The following MAGI2 variants were observed in gnomAD, a reference collection of about 807,000 sequenced individuals.
MAGI2 encodes the protein membrane-associated guanylate kinase, WW and PDZ domain-containing protein 2.
A neutral mutation model predicts 133.3 loss-of-function variants in MAGI2; 35 were observed. The ratio of observed to expected loss-of-function variants is 0.26; its 90% CI spans 0.20 to 0.35. The LOEUF (loss-of-function observed/expected upper bound fraction) is 0.35. Ranked by LOEUF, MAGI2 falls within the 10% of genes least tolerant of loss-of-function variation. MAGI2 has a pLI of 1.00. For missense variants in MAGI2, 1,636 were observed against 1,863.4 expected, an observed-to-expected ratio of 0.88 and a Z score of 2.25; for synonymous variants, 729 against 710.6, an observed-to-expected ratio of 1.03 and a Z score of -0.41.
chr7:78,161,266 GAAA>G (rs1824947136), intron 15 of MAGI2, among the ~76,000 whole-genome samples: 1 of 152,172 alleles, frequency 6.6e-6, no homozygotes, highest in African/African-American at 2.4e-5. Flanking sequence ...TTTTTGAAAT[GAAA>G]GTTTATCTGT....
intron 18 of MAGI2, among the ~76,000 whole-genome samples, chr7:78,132,412 G>T (rs182848587): frequency 7.2e-5 from 11 of 152,156 alleles, no homozygotes; most frequent in Admixed American, 4.6e-4. Context: ...ATGACTTCCC[G>T]CTGCACTTAA....
In MAGI2 at chr7:78,624,251, C is replaced by T. The variant is rs961908546; in HGVS notation, c.538+2869G>A. Among the ~76,000 whole-genome samples, 24 of 152,176 alleles carry T rather than the reference C, an allele frequency of 1.6e-4. No individual in the cohort carries two copies. In the South Asian group the frequency reaches 3.1e-3, roughly 20 times the overall value. On this transcript the variant is annotated intron_variant, in intron 3 of 21. Transcript: ENST00000354212. ...TCTGACAGATTGAGACATTTTCTCC[C>T]ATTCTGTAGGTTGTCTGTTCACTCT...
At chr7:79,201,299 C>T (rs530433032) in intron 1 of MAGI2, among the ~76,000 whole-genome samples, 1 of 152,104 alleles carries the variant, frequency 6.6e-6, no homozygotes, top group Non-Finnish European at 1.5e-5. Context: ...GTTTTGATTT[C>T]TTCCATTAAC....
chr7:79,079,243 G>A (rs1815818600), intron 1 of MAGI2, among the ~76,000 whole-genome samples: 1 of 152,146 alleles, frequency 6.6e-6, no homozygotes. Context: ...GTGCATCCAA[G>A]TGCTGTCATG....
At chr7:78,823,635 TAAAC>T (rs1240726105) in intron 2 of MAGI2, among the ~76,000 whole-genome samples, 3 of 150,102 alleles carry the variant, frequency 2.0e-5, no homozygotes, top group South Asian at 2.1e-4. Context: ...AGCAGCCAGT[TAAAC>T]AAATCATTTT....
At chr7:78,945,186 C>T (rs745728504) in intron 2 of MAGI2, among the ~76,000 whole-genome samples, 1 of 151,912 alleles carries the variant, frequency 6.6e-6, no homozygotes, top group Non-Finnish European at 1.5e-5. Context: ...TTCAGCCTCC[C>T]AAGTAGCTGG....
At chr7:78,932,297 C>G (rs1448396968) in intron 2 of MAGI2, among the ~76,000 whole-genome samples, 1 of 152,150 alleles carries the variant, frequency 6.6e-6, no homozygotes, top group East Asian at 1.9e-4. Flanking sequence ...GCAGATACCC[C>G]TGCGGGTCAT....
At chr7:78,813,226 T>C (rs551853508) in intron 2 of MAGI2, among the ~76,000 whole-genome samples, 2 of 152,302 alleles carry the variant, frequency 1.3e-5, no homozygotes, top group South Asian at 4.1e-4. Flanking sequence ...ATTAACATTA[T>C]AACAAAGTCA....
intron 1 of MAGI2, among the ~76,000 whole-genome samples, chr7:79,443,641 G>C (rs1425293962): frequency 6.6e-6 from 1 of 152,028 alleles, no homozygotes; most frequent in Non-Finnish European, 1.5e-5. Flanking sequence ...TGTTAAAAAT[G>C]TATGCAATTG....
chr7:78,573,281 T>TAAATATAA (rs1319308041), intron 3 of MAGI2, among the ~76,000 whole-genome samples: 1 of 56,762 alleles, frequency 1.8e-5, no homozygotes, highest in African/African-American at 1.1e-4. Context: ...TAAATATATA[T>TAAATATAA]ATTTATATAA....
chr7:79,168,889 GATATATATATATATATATATATAT>G (rs1182056135), intron 1 of MAGI2, among the ~76,000 whole-genome samples: 33 of 14,634 alleles, frequency 2.3e-3, no homozygotes, highest in South Asian at 3.6e-3. Flanking sequence ...TCTAAAGATA[GATATATATATATATATATATATAT>G]ATATATATAT....
chr7:78,267,623 T>C (rs936281098), intron 9 of MAGI2, among the ~76,000 whole-genome samples: 4 of 152,162 alleles, frequency 2.6e-5, no homozygotes, highest in African/African-American at 9.7e-5. Flanking sequence ...CACTGAAATT[T>C]TGGAATCCAG....
chr7:78,044,861 A>C (rs1054099623), intron 21 of MAGI2, among the ~76,000 whole-genome samples: 2 of 152,226 alleles, frequency 1.3e-5, no homozygotes, highest in Non-Finnish European at 2.9e-5. Flanking sequence ...TTATTTGATA[A>C]GTCTGTCTCA....
intron 6 of MAGI2, among the ~76,000 whole-genome samples, chr7:78,483,127 G>A (rs1792596394): frequency 6.6e-6 from 1 of 151,764 alleles, no homozygotes; most frequent in South Asian, 2.1e-4. Flanking sequence ...AGAGAGGCAA[G>A]TGAGGGGTGT....
intron 1 of MAGI2, among the ~76,000 whole-genome samples, chr7:79,346,291 C>G (rs10258316): frequency 0.015 from 2,305 of 152,108 alleles, 50 homozygotes; most frequent in African/African-American, 0.054. Context: ...CTTGCAAATA[C>G]TCATATAATT....
chr7:79,237,321 C>T (rs1365534426), intron 1 of MAGI2, among the ~76,000 whole-genome samples: 3 of 152,088 alleles, frequency 2.0e-5, no homozygotes, highest in Non-Finnish European at 2.9e-5. Context: ...GGTGAAACCC[C>T]GTCTCTACTA....
chr7:78,950,440 T>C (rs1272144756), intron 2 of MAGI2, among the ~76,000 whole-genome samples: 2 of 152,216 alleles, frequency 1.3e-5, no homozygotes, highest in African/African-American at 4.8e-5. Flanking sequence ...ACTGATGTTC[T>C]TTGAAAACTC....
intron 2 of MAGI2, among the ~76,000 whole-genome samples, chr7:78,759,547 A>C (rs542315541): frequency 2.0e-5 from 3 of 152,188 alleles, no homozygotes; most frequent in Admixed American, 6.5e-5. Context: ...TGTGAATGTT[A>C]AAATGGCAAA....
intron 1 of MAGI2, among the ~76,000 whole-genome samples, chr7:79,180,157 G>A (rs1313878876): frequency 6.6e-6 from 1 of 152,024 alleles, no homozygotes; most frequent in East Asian, 1.9e-4. Context: ...ACAGGTATAT[G>A]AAGAACACAC....
Sources: allele counts gnomAD v4.1 joint callset (sites outside exome capture counted in the v4.1 genomes callset), GRCh38; gene constraint gnomAD v4.1.1; transcripts MANE v1.5; gene names NCBI Gene and HGNC (gene_info 2026-07-23, HGNC 2026-07-21).